PTPRD: variants seen among roughly 807,000 people sequenced by gnomAD.
PTPRD encodes protein tyrosine phosphatase receptor type D.
PTPRD carries 34 observed loss-of-function variants against 214.5 expected under a neutral mutation model. The ratio of observed to expected loss-of-function variants is 0.16; its 90% confidence interval spans 0.12 to 0.21. The LOEUF is 0.21. PTPRD is among the 10% of genes least tolerant of loss of function. The pLI is 1.00. For synonymous variants in PTPRD, 1,128 were observed against 845.7 expected (o/e 1.33, Z -5.79); for missense variants, 2,545 against 2,398.7 (o/e 1.06, Z -1.27).
At chr9:10,334,575 G>T (rs530601182) in intron 3 of PTPRD, among the ~76,000 whole-genome samples, 19 of 151,530 alleles carry the variant, frequency 1.3e-4, no homozygotes, top group Non-Finnish European at 2.7e-4. Flanking sequence ...AATATTACGA[G>T]AAAAGGAAAT....
chr9:9,313,845 T>A (rs184118486), intron 9 of PTPRD, among the ~76,000 whole-genome samples: 3 of 152,276 alleles, frequency 2.0e-5, no homozygotes, highest in East Asian at 3.9e-4. Context: ...TTAATCCTCA[T>A]ACAAAATTTA....
At chr9:10,248,836 C>T (rs770075970) in intron 3 of PTPRD, among the ~76,000 whole-genome samples, 41 of 151,684 alleles carry the variant, frequency 2.7e-4, no homozygotes, top group Non-Finnish European at 1.5e-4. Context: ...TAAAATATGA[C>T]CCCTGTACAT....
chr9:8,796,249 T>C (rs886626888), intron 11 of PTPRD, among the ~76,000 whole-genome samples: 1 of 152,182 alleles, frequency 6.6e-6, no homozygotes, highest in Non-Finnish European at 1.5e-5. Flanking sequence ...TTTAAGTAAA[T>C]TTTAATTATA....
At chr9:9,211,180 A>C (rs1029304926) in intron 9 of PTPRD, among the ~76,000 whole-genome samples, 4 of 151,960 alleles carry the variant, frequency 2.6e-5, no homozygotes, top group African/African-American at 9.7e-5. Flanking sequence ...GTCTCTTTTC[A>C]TATTTACTTA....
At chr9:8,689,672 A>G (rs1217936015) in intron 12 of PTPRD, among the ~76,000 whole-genome samples, 9 of 152,348 alleles carry the variant, frequency 5.9e-5, no homozygotes, top group Non-Finnish European at 5.9e-5. Context: ...TTATAGGAGT[A>G]CAATTCAAGA....
chr9:9,855,585 T>C (rs2153677789), intron 5 of PTPRD, among the ~76,000 whole-genome samples: 1 of 152,232 alleles, frequency 6.6e-6, no homozygotes, highest in East Asian at 1.9e-4. Context: ...CTCTCAACAA[T>C]TTGACGGAGG....
intron 2 of PTPRD, among the ~76,000 whole-genome samples, chr9:10,541,096 C>G (rs188169375): frequency 2.6e-5 from 4 of 152,268 alleles, no homozygotes; most frequent in Middle Eastern, 3.4e-3. Flanking sequence ...TTTCCATATG[C>G]TTCCTTTATT....
At chr9:9,985,719 A>G (rs1214154766) in intron 4 of PTPRD, among the ~76,000 whole-genome samples, 2 of 151,980 alleles carry the variant, frequency 1.3e-5, no homozygotes, top group Non-Finnish European at 2.9e-5. Flanking sequence ...AATATAAGTG[A>G]TATTAGAAAA....
intron 35 of PTPRD, among the ~76,000 whole-genome samples, chr9:8,411,786 G>A (rs1048255850): frequency 2.6e-5 from 4 of 152,180 alleles, no homozygotes; most frequent in Admixed American, 6.5e-5. Flanking sequence ...ATAAGAAAGA[G>A]ATGGACAGAT....
chr9:10,115,514 T>C (rs2098723463), intron 3 of PTPRD, among the ~76,000 whole-genome samples: 1 of 152,136 alleles, frequency 6.6e-6, no homozygotes, highest in African/African-American at 2.4e-5. Context: ...CAAGGGACAC[T>C]GAAAGTTAAC....
intron 4 of PTPRD, among the ~76,000 whole-genome samples, chr9:9,966,115 C>T (rs187477745): frequency 8.8e-4 from 133 of 151,864 alleles, no homozygotes; most frequent in African/African-American, 3.0e-3. Flanking sequence ...TACTGGCTTT[C>T]GGTTTTTTAA....
intron 12 of PTPRD, among the ~76,000 whole-genome samples, chr9:8,698,774 G>A (rs1363658401): frequency 2.0e-5 from 3 of 152,088 alleles, no homozygotes; most frequent in Admixed American, 6.5e-5. Context: ...TAGATAGCTT[G>A]TTACCAATCT....
chr9:10,348,953 T>C (rs2097136230), intron 2 of PTPRD, among the ~76,000 whole-genome samples: 1 of 152,132 alleles, frequency 6.6e-6, no homozygotes, highest in Non-Finnish European at 1.5e-5. Context: ...AAGTTCACCA[T>C]GGCAGTGTAA....
intron 11 of PTPRD, among the ~76,000 whole-genome samples, chr9:8,745,365 C>A (rs1221398202): frequency 6.6e-6 from 1 of 151,958 alleles, no homozygotes; most frequent in Non-Finnish European, 1.5e-5. Flanking sequence ...CCAAAGTGAT[C>A]AACATAAAGA....
At chr9:9,500,923 A>G (rs975183159) in intron 8 of PTPRD, among the ~76,000 whole-genome samples, 4 of 152,064 alleles carry the variant, frequency 2.6e-5, no homozygotes, top group East Asian at 3.9e-4. Context: ...AAATTGTTCA[A>G]TATTAATTGC....
chr9:8,845,903 T>G (rs910471408), intron 11 of PTPRD, among the ~76,000 whole-genome samples: 1 of 152,170 alleles, frequency 6.6e-6, no homozygotes, highest in Non-Finnish European at 1.5e-5. Context: ...GATTGGCAAG[T>G]ATAAAACCAA....
At chr9:8,674,081 T>G (rs1490193178) in intron 12 of PTPRD, among the ~76,000 whole-genome samples, 4 of 152,134 alleles carry the variant, frequency 2.6e-5, no homozygotes, top group Non-Finnish European at 5.9e-5. Context: ...AATAAAGATG[T>G]GATAAATATG....
intron 9 of PTPRD, among the ~76,000 whole-genome samples, chr9:9,312,706 C>T (rs917909989): frequency 9.2e-5 from 14 of 152,040 alleles, no homozygotes; most frequent in Middle Eastern, 3.2e-3. Context: ...TCTGGCCAAC[C>T]TCTACCTAAA....
At chr9:10,022,984 T>C (rs1049342793) in intron 4 of PTPRD, among the ~76,000 whole-genome samples, 1 of 152,232 alleles carries the variant, frequency 6.6e-6, no homozygotes, top group Non-Finnish European at 1.5e-5. Flanking sequence ...TGGAATTGTA[T>C]TTTGCCTCAG....
Sources: gnomAD v4.1 joint callset for allele counts (sites outside exome capture counted in the v4.1 genomes callset) on GRCh38, gnomAD v4.1.1 for gene constraint, MANE v1.5 for transcripts, NCBI Gene and HGNC (gene_info 2026-07-23, HGNC 2026-07-21) for gene names.